AMBRA1: variants seen among roughly 807,000 people sequenced by gnomAD.
AMBRA1 encodes autophagy and beclin 1 regulator 1.
AMBRA1 carries 47 observed loss-of-function variants against 125.4 expected under a neutral mutation model. The observed-to-expected ratio is 0.37, with a 90% CI of 0.30 to 0.48. AMBRA1 has a LOEUF of 0.48. AMBRA1 is among the 20% of genes least tolerant of loss of function. The pLI, the probability that AMBRA1 is intolerant of heterozygous loss-of-function variation, is 0.99. For synonymous variants in AMBRA1, 626 were observed against 655.5 expected (o/e 0.95, Z 0.69); for missense variants, 1,331 against 1,693.4 (o/e 0.79, Z 3.76).
chr11:46,505,733 AC>A (rs1160628075), intron 9 of AMBRA1, among the ~76,000 whole-genome samples: 1 of 151,796 alleles, frequency 6.6e-6, no homozygotes, highest in Non-Finnish European at 1.5e-5. Context: ...GCAGTCTGAC[AC>A]AGGAAAATCG....
intron 12 of AMBRA1, among the ~76,000 whole-genome samples, chr11:46,441,970 CTTT>C (rs764444865): frequency 4.3e-5 from 5 of 116,606 alleles, no homozygotes; most frequent in Admixed American, 1.7e-4. Flanking sequence ...AAAAAAAAAA[CTTT>C]TTTTTTTTTT....
chr11:46,517,806 G>T (rs549181588), intron 7 of AMBRA1, among the ~76,000 whole-genome samples: 87 of 145,278 alleles, frequency 6.0e-4, no homozygotes, highest in Admixed American at 4.8e-3. Context: ...ACTCCAGCCT[G>T]GGCAACAGGG....
intron 7 of AMBRA1, among the ~76,000 whole-genome samples, chr11:46,526,734 C>CAA (rs397848852): frequency 4.0e-5 from 6 of 149,766 alleles, no homozygotes; most frequent in Admixed American, 6.7e-5. Flanking sequence ...CCCACACACA[C>CAA]AAAAAAAAAC....
intron 7 of AMBRA1, among the ~76,000 whole-genome samples, chr11:46,514,881 A>AC (rs1951409633): frequency 6.6e-6 from 1 of 152,230 alleles, no homozygotes; most frequent in Non-Finnish European, 1.5e-5. Flanking sequence ...AGTGAGAGAT[A>AC]CAGAGTCTGG....
Position 46,508,291 on chromosome 11 carries a change from G to T in AMBRA1, c.2239C>A (p.Arg747Ser), listed in dbSNP as rs1464078164. 6.2e-7 allele frequency: 1 copy of T among 1,614,198 alleles called. No individual in the cohort carries two copies. The part of the protein sequence containing the change: ...RRDSIRQRSM[R>S]YQQNRLRSST... ...GAACGGAGACGGTTCTGTTGGTAGCGCATGGAGCGCTGGCGAATACTGTCT... is the reference window on the plus strand; with the variant it reads ...GAACGGAGACGGTTCTGTTGGTAGCTCATGGAGCGCTGGCGAATACTGTCT... The change falls in exon 9 of 18, where the codon CGC (arginine) becomes AGC (serine). Residue 747 changes from arginine (R) to serine (S), a missense_variant. Around this residue, in one of 4 missense-constraint regions of AMBRA1, gnomAD observed 689 missense variants for 776.5 expected, o/e 0.89. Transcript: ENST00000683756.
At chr11:46,418,758 A>C (rs1457937049) in intron 14 of AMBRA1, among the ~76,000 whole-genome samples, 1 of 152,170 alleles carries the variant, frequency 6.6e-6, no homozygotes, top group Non-Finnish European at 1.5e-5. Context: ...TTTAAGAAAT[A>C]CTAGGGGACT....
At chr11:46,398,383 GC>G (rs111797924) in intron 17 of AMBRA1, among the ~76,000 whole-genome samples, 1,838 of 152,334 alleles carry the variant, frequency 0.012, 47 homozygotes, top group African/African-American at 0.042. Context: ...TATGGGTGTG[GC>G]CCAAAGGGAA....
At chr11:46,583,665 A>AC (rs1255344454) in intron 1 of AMBRA1, among the ~76,000 whole-genome samples, 1 of 133,124 alleles carries the variant, frequency 7.5e-6, no homozygotes, top group East Asian at 1.9e-4. Flanking sequence ...AAAAAAAAAA[A>AC]AAAAAAAAAA....
At chr11:46,429,230 C>T in intron 14 of AMBRA1, 2 of 1,198,888 alleles carry the variant, frequency 1.7e-6, no homozygotes, top group South Asian at 2.6e-5. Context: ...GCCCCCTACC[C>T]CATAAAATAA....
intron 1 of AMBRA1, among the ~76,000 whole-genome samples, chr11:46,583,709 G>A (rs1231085816): frequency 2.3e-4 from 33 of 145,192 alleles, no homozygotes; most frequent in African/African-American, 6.1e-4. Context: ...AAAAGTGGGC[G>A]AAGGACATGA....
chr11:46,545,528 C>T, intron 5 of AMBRA1, 76 bp downstream of exon 5: 1 of 1,525,720 alleles, frequency 6.6e-7, no homozygotes, highest in South Asian at 1.3e-5. Context: ...ACCTGACTTC[C>T]AAGGTGACAG....
intron 9 of AMBRA1, among the ~76,000 whole-genome samples, chr11:46,497,570 C>G (rs1215187608): frequency 6.6e-6 from 1 of 152,122 alleles, no homozygotes; most frequent in Non-Finnish European, 1.5e-5. Context: ...ATAATAAACA[C>G]AATATGAGAT....
intron 11 of AMBRA1, among the ~76,000 whole-genome samples, chr11:46,486,735 G>T (rs1302220080): frequency 6.6e-6 from 1 of 151,872 alleles, no homozygotes; most frequent in Non-Finnish European, 1.5e-5. Context: ...GTGAAACACC[G>T]TCTCTACTAA....
intron 12 of AMBRA1, 55 bp downstream of exon 12, chr11:46,443,433 G>T: frequency 6.9e-7 from 1 of 1,457,412 alleles, no homozygotes; most frequent in Non-Finnish European, 9.6e-7. Flanking sequence ...TTTGAGTTCT[G>T]GCTCACCAGC....
At chr11:46,443,300 G>GTA in intron 12 of AMBRA1, among the ~76,000 whole-genome samples, 188 bp downstream of exon 12, 1 of 152,344 alleles carries the variant, frequency 6.6e-6, no homozygotes, top group South Asian at 2.1e-4. Context: ...ATAGACTTAA[G>GTA]TGTATGGTAT....
intron 7 of AMBRA1, among the ~76,000 whole-genome samples, chr11:46,525,209 G>A (rs914926672): frequency 6.6e-6 from 1 of 152,214 alleles, no homozygotes; most frequent in Non-Finnish European, 1.5e-5. Context: ...GCTGAGGCAA[G>A]AGGATTCCTT....
chr11:46,573,008 G>A (rs1029878267), intron 1 of AMBRA1, among the ~76,000 whole-genome samples: 7 of 151,810 alleles, frequency 4.6e-5, no homozygotes, highest in African/African-American at 1.5e-4. Flanking sequence ...GGCTGAGGCA[G>A]GCGAATCGCT....
intron 17 of AMBRA1, 134 bp from the exon 18 acceptor site, chr11:46,398,077 T>A: frequency 1.7e-6 from 2 of 1,201,742 alleles, no homozygotes; most frequent in Non-Finnish European, 2.3e-6. Context: ...TCCATCACTG[T>A]GAAAACCAAT....
At chr11:46,445,014 G>GGA (rs575220445) in intron 11 of AMBRA1, among the ~76,000 whole-genome samples, 206 of 150,478 alleles carry the variant, frequency 1.4e-3, no homozygotes, top group African/African-American at 4.6e-3. Flanking sequence ...TCTCAACATG[G>GGA]GAAATATCAT....
Sources: gnomAD v4.1 joint callset for allele counts (sites outside exome capture counted in the v4.1 genomes callset) on GRCh38, gnomAD v4.1.1 for gene constraint, gnomAD v4.1.1 regional missense constraint, MANE v1.5 for transcripts, NCBI Gene and HGNC (gene_info 2026-07-23, HGNC 2026-07-21) for gene names.